Variants in RASL12 observed in about 807,000 individuals in gnomAD.
The protein encoded by RASL12 is RAS like family 12, also known as ras-like protein family member 12.
RASL12 carries 16 observed loss-of-function variants against 22.9 expected under a neutral mutation model. The observed-to-expected ratio is 0.70, with a 90% confidence interval of 0.47 to 1.06. RASL12 has a LOEUF of 1.06. Ranked by LOEUF, RASL12 falls within the 50% of genes least tolerant of loss-of-function variation. The probability of loss-of-function intolerance (pLI) is 0.00; values close to 1 mark genes in which losing one functional copy is unlikely to be tolerated. For synonymous variants in RASL12, 159 were observed against 152.2 expected (o/e 1.04, Z -0.33); for missense variants, 306 against 353.1 (o/e 0.87, Z 1.07).
intron 1 of RASL12, among the ~76,000 whole-genome samples, chr15:65,066,113 AG>A (rs1478440897): frequency 6.6e-6 from 1 of 151,524 alleles, no homozygotes; most frequent in East Asian, 1.9e-4. Context: ...GAAAGAAAGA[AG>A]AAAGAGAGAG....
intron 1 of RASL12, among the ~76,000 whole-genome samples, chr15:65,066,010 AAAGAAAAGAAAAGAGAAGAGAAGAG>A (rs1298981339): frequency 3.2e-5 from 2 of 63,094 alleles, no homozygotes; most frequent in Admixed American, 1.5e-4. Context: ...GTTTGGAAAG[AAAGAAAAGAAAAGAGAAGAGAAGAG>A]AAGAGTAGAG....
At chr15:65,073,762 T>C (rs577524455) in intron 1 of RASL12, among the ~76,000 whole-genome samples, 1 of 152,304 alleles carries the variant, frequency 6.6e-6, no homozygotes, top group Admixed American at 6.5e-5. Context: ...TTCTAATTCA[T>C]AGTGTTGCTA....
At chr15:65,052,930 A>T, downstream of RASL12, 26 of 1,169,380 alleles carry the variant, frequency 2.2e-5, no homozygotes, top group Non-Finnish European at 2.9e-5. Context: ...CCAACCACTC[A>T]GCCCCCCTCA....
downstream of RASL12, chr15:65,049,933 G>A (rs2086626923): frequency 8.1e-7 from 1 of 1,236,084 alleles, no homozygotes; most frequent in South Asian, 1.4e-5. Flanking sequence ...GGCCAGAACC[G>A]AGGAGGCCAG....
At chr15:65,076,367 G>GAC (rs928918651) in intron 1 of RASL12, among the ~76,000 whole-genome samples, 1 of 152,058 alleles carries the variant, frequency 6.6e-6, no homozygotes, top group African/African-American at 2.4e-5. Flanking sequence ...AACAACTCCA[G>GAC]ACACGCTGCC....
intron 1 of RASL12, among the ~76,000 whole-genome samples, chr15:65,067,334 G>A (rs943954330): frequency 6.6e-6 from 1 of 151,976 alleles, no homozygotes; most frequent in African/African-American, 2.4e-5. Flanking sequence ...CAGTCGCCAG[G>A]ACTGACTGCT....
At chr15:65,069,493 T>G (rs555166168), upstream of RASL12, among the ~76,000 whole-genome samples, 10 of 152,342 alleles carry the variant, frequency 6.6e-5, no homozygotes, top group African/African-American at 2.4e-4. Flanking sequence ...GGGCTAACTG[T>G]GGGCCTGCAC....
At chr15:65,062,063 CAAA>C (rs547999122) in intron 2 of RASL12, among the ~76,000 whole-genome samples, 17 of 77,350 alleles carry the variant, frequency 2.2e-4, no homozygotes, top group Non-Finnish European at 1.7e-4. Flanking sequence ...CCTGGGTGAC[CAAA>C]AAAAAAAAAA....
rs564627165 is a variant in RASL12 at position 65,053,994 on chromosome 15, C to T, written c.*905G>A. 27 of 985,866 alleles carry T rather than the reference C, an allele frequency of 2.7e-5. No individual in the cohort carries two copies. In the Admixed American group the frequency reaches 1.1e-3, roughly 40 times the overall value. The allele number at this position is 985,866 out of a possible 1,614,324, so 61.1% of individuals were successfully genotyped here. A position where few individuals can be genotyped will look rare whatever the true frequency, so the allele number is the denominator to read the frequency against. On this transcript the variant is annotated 3_prime_UTR_variant, in exon 5 of 5. Transcript: ENST00000220062. Reference sequence around the variant, plus strand: ...CTGAGGGTCCTGGGTCCTGCCAAACCAGATGACAAACGGGTATACTGTGTT... The same window carrying T: ...CTGAGGGTCCTGGGTCCTGCCAAACTAGATGACAAACGGGTATACTGTGTT...
chr15:65,050,833 C>CT (rs67418433), downstream of RASL12, among the ~76,000 whole-genome samples: 26,404 of 87,996 alleles, frequency 0.3, 5,131 homozygotes, highest in East Asian at 0.64. Context: ...TCTTCTTCTT[C>CT]TTCTTTTTTT....
chr15:65,071,157 A>C (rs2086929317), upstream of RASL12, among the ~76,000 whole-genome samples: 1 of 152,212 alleles, frequency 6.6e-6, no homozygotes. Context: ...TTAGCGCCCC[A>C]GAGAGTCTAC....
chr15:65,062,854 G>A (rs555521848), intron 2 of RASL12, among the ~76,000 whole-genome samples: 95 of 152,312 alleles, frequency 6.2e-4, no homozygotes, highest in Middle Eastern at 3.4e-3. Flanking sequence ...GACAGTGGCC[G>A]GAATGTTTAG....
chr15:65,065,239 G>A lies in RASL12; in HGVS notation c.138C>T (p.Ile46=). Residue 46 remains isoleucine, a synonymous_variant, in exon 2 of 5, where the codon ATC becomes ATT. Transcript: ENST00000220062. The part of the protein sequence containing the change: ...LTVKFLTKRF[I]SEYDPNLEDT... ...TACCCAAGTTGGGGTCATATTCACTGATAAACCTCTTGGTCAGAAACTTCA... is the reference window on the plus strand; with the variant it reads ...TACCCAAGTTGGGGTCATATTCACTAATAAACCTCTTGGTCAGAAACTTCA... 1 of 1,612,906 alleles carries A rather than the reference G, an allele frequency of 6.2e-7. No homozygotes were observed. The highest frequency in any genetic ancestry group is 1.1e-5 in the South Asian group (1 of 90,592).
At chr15:65,047,349 AC>A in the RASL12 span, among the ~76,000 whole-genome samples, 13 of 152,228 alleles carry the variant, frequency 8.5e-5, no homozygotes, top group African/African-American at 3.1e-4. Context: ...AAAAAAAAAA[AC>A]ATACATACAA....
chr15:65,058,442 T>C lies in RASL12; in HGVS notation c.410A>G (p.Asp137Gly). The change falls in exon 4 of 5, where the codon GAC (aspartate) becomes GGC (glycine). Residue 137 changes from aspartate (D) to glycine (G), a missense_variant. Transcript: ENST00000220062. ...IPALLLGNKL[D>G]MAQYRQVTKA... ...CTGTGCTCACCTGTACTGAGCCATGTCCAGCTTGTTGCCCAGCAGCAGGGC... is the reference window on the plus strand; with the variant it reads ...CTGTGCTCACCTGTACTGAGCCATGCCCAGCTTGTTGCCCAGCAGCAGGGC... 1.9e-6 allele frequency: 3 copies of C among 1,569,326 alleles called. No homozygotes were observed. The highest frequency in any genetic ancestry group is 2.6e-6 in the Non-Finnish European group (3 of 1,151,406).
chr15:65,047,791 T>C, the RASL12 span, among the ~76,000 whole-genome samples: 2 of 109,388 alleles, frequency 1.8e-5, no homozygotes, highest in African/African-American at 3.5e-5. Flanking sequence ...GATAGATCGA[T>C]AGATGATAGA....
Position 65,054,729 on chromosome 15 carries a change from T to TCC in RASL12, c.*168_*169dup. 1 of 1,437,100 alleles carries TCC rather than the reference T, an allele frequency of 7.0e-7. No homozygotes were observed. The highest frequency in any genetic ancestry group is 9.1e-7 in the Non-Finnish European group (1 of 1,099,952). The allele number at this position is 1,437,100 out of a possible 1,614,324, so 89.0% of individuals were successfully genotyped here. On this transcript the variant is annotated 3_prime_UTR_variant, in exon 5 of 5. Coordinates refer to ENST00000220062, the MANE Select transcript of RASL12 (RefSeq NM_016563.4). ...AGGCCTGGAGGGAACAGAAGCAGCA[T>TCC]CCCTGCCTGCCACTCCAGCTCACAC...
In RASL12 at chr15:65,067,770, G is replaced by C. The variant is rs900865158; in HGVS notation, c.66C>G (p.Asn22Lys). 4 of 1,581,320 alleles carry C rather than the reference G, an allele frequency of 2.5e-6. No homozygotes were observed. The East Asian group carries it at 9.6e-5, about 38-fold the overall frequency. ...CCCCGCGGCGCCCCAGGATGGCCAG[G>C]TTGACCTCGAGGGGCGCGCTCTGAG... ...SGPQSAPLEVNLAILGRRGAG... is the reference protein window; with the variant it reads ...SGPQSAPLEVKLAILGRRGAG... Residue 22 changes from asparagine to lysine, a missense_variant, in exon 1 of 5, where the codon AAC becomes AAG. Coordinates refer to ENST00000220062, the MANE Select transcript of RASL12 (RefSeq NM_016563.4).
chr15:65,056,687 AC>A (rs983780198), intron 4 of RASL12, among the ~76,000 whole-genome samples: 1 of 152,104 alleles, frequency 6.6e-6, no homozygotes, highest in African/African-American at 2.4e-5. Context: ...GGAAGCATCA[AC>A]CTAACCGACA....
Sources: allele counts gnomAD v4.1 joint callset (sites outside exome capture counted in the v4.1 genomes callset), GRCh38; gene constraint gnomAD v4.1.1; transcripts MANE v1.5; gene names NCBI Gene and HGNC (gene_info 2026-07-23, HGNC 2026-07-21).